The following SPOCK3 variants were observed in gnomAD, a reference collection of about 807,000 sequenced individuals.
SPOCK3 encodes the protein testican-3.
A neutral mutation model predicts 56.6 loss-of-function variants in SPOCK3; 30 were observed. That is an observed-to-expected ratio of 0.53 (90% CI 0.40 to 0.72). SPOCK3 has a LOEUF of 0.72. Ranked by LOEUF, SPOCK3 falls within the 30% of genes least tolerant of loss-of-function variation. The pLI, the probability that SPOCK3 is intolerant of heterozygous loss-of-function variation, is 0.00. For missense variants in SPOCK3, 527 were observed against 530.0 expected (o/e 0.99, Z 0.06); for synonymous variants, 196 against 183.3 (o/e 1.07, Z -0.56).
At chr4:166,752,327 T>C (rs1736482553) in intron 8 of SPOCK3, among the ~76,000 whole-genome samples, 1 of 152,040 alleles carries the variant, frequency 6.6e-6, no homozygotes, top group African/African-American at 2.4e-5. Flanking sequence ...CCAGCTGAAA[T>C]TTACAAACTC....
At chr4:167,006,810 G>A (rs1255155855) in intron 3 of SPOCK3, among the ~76,000 whole-genome samples, 1 of 151,876 alleles carries the variant, frequency 6.6e-6, no homozygotes, top group African/African-American at 2.4e-5. Context: ...TCTAGCTACG[G>A]GTATTGTTTC....
chr4:166,794,776 G>A (rs1453920243), intron 6 of SPOCK3, among the ~76,000 whole-genome samples: 1 of 151,294 alleles, frequency 6.6e-6, no homozygotes, highest in Non-Finnish European at 1.5e-5. Flanking sequence ...CTGAGTAGCT[G>A]GGATTACAAG....
At chr4:166,898,294 G>A (rs1306824674) in intron 5 of SPOCK3, among the ~76,000 whole-genome samples, 1 of 152,124 alleles carries the variant, frequency 6.6e-6, no homozygotes, top group Non-Finnish European at 1.5e-5. Flanking sequence ...CTAACCTCTG[G>A]GCAGGGGGAG....
chr4:166,935,358 G>C (rs966536868), intron 4 of SPOCK3, among the ~76,000 whole-genome samples: 4 of 152,238 alleles, frequency 2.6e-5, no homozygotes, highest in Admixed American at 1.3e-4. Context: ...TCCAACGGGC[G>C]AAATGGTAGC....
In SPOCK3 at chr4:166,860,802, C is replaced by CATATATATATATATGTATATATATATAT. The variant is rs1553989682; in HGVS notation, c.589+28300_589+28327dup. 1.4e-3 allele frequency among the ~76,000 whole-genome samples: 138 copies of CATATATATATATATGTATATATATATAT among 101,934 alleles called. 1 individual carries two copies. The highest frequency in any genetic ancestry group is 2.4e-3 in the Non-Finnish European group (120 of 49,432). The allele number at this position is 101,934 out of a possible 152,430, so 66.9% of individuals were successfully genotyped here. A position where few individuals can be genotyped will look rare whatever the true frequency, so the allele number is the denominator to read the frequency against. On this transcript the variant is annotated intron_variant, in intron 6 of 10. Transcript: ENST00000357545. ...ACACGTGTACATGCACACACAAATT[C>CATATATATATATATGTATATATATATAT]ATATATATATATATGTATATATATA...
chr4:167,077,621 T>C (rs999356475), intron 2 of SPOCK3, among the ~76,000 whole-genome samples: 4 of 151,966 alleles, frequency 2.6e-5, no homozygotes, highest in Non-Finnish European at 5.9e-5. Flanking sequence ...AGAAAAAGAA[T>C]GATTTTCTAA....
At chr4:167,224,762 C>T (rs139167437) in intron 2 of SPOCK3, among the ~76,000 whole-genome samples, 7 of 152,140 alleles carry the variant, frequency 4.6e-5, no homozygotes, top group South Asian at 2.1e-4. Flanking sequence ...CTGGTTCAAG[C>T]GATTCTCTTG....
intron 2 of SPOCK3, among the ~76,000 whole-genome samples, chr4:167,182,326 C>G (rs900484449): frequency 9.9e-5 from 15 of 151,856 alleles, no homozygotes; most frequent in Admixed American, 4.6e-4. Flanking sequence ...ATGATCCCCC[C>G]CAATCTGATT....
At chr4:167,128,183 T>A (rs1243897731) in intron 2 of SPOCK3, among the ~76,000 whole-genome samples, 1 of 152,216 alleles carries the variant, frequency 6.6e-6, no homozygotes, top group African/African-American at 2.4e-5. Flanking sequence ...TTTCCCCGAA[T>A]ACTCAAGCAC....
At chr4:167,224,812 A>G (rs552958313) in intron 2 of SPOCK3, among the ~76,000 whole-genome samples, 1 of 152,040 alleles carries the variant, frequency 6.6e-6, no homozygotes, top group Admixed American at 6.6e-5. Flanking sequence ...GATTACAGGC[A>G]CGTGCCACCA....
At chr4:166,908,275 C>T (rs1736850923) in intron 5 of SPOCK3, among the ~76,000 whole-genome samples, 1 of 48,350 alleles carries the variant, frequency 2.1e-5, no homozygotes, top group South Asian at 6.6e-4. Context: ...TTATTGTTCA[C>T]ACACACACAC....
At chr4:166,851,985 A>G (rs1175301461) in intron 6 of SPOCK3, among the ~76,000 whole-genome samples, 26 of 151,742 alleles carry the variant, frequency 1.7e-4, no homozygotes, top group African/African-American at 5.1e-4. Context: ...TGATGAGTTC[A>G]TGTCCTTTGT....
chr4:167,109,434 A>G (rs1370153318), intron 2 of SPOCK3, among the ~76,000 whole-genome samples: 1 of 101,990 alleles, frequency 9.8e-6, no homozygotes, highest in African/African-American at 3.8e-5. Context: ...TATATATGAT[A>G]AATATATATT....
intron 7 of SPOCK3, among the ~76,000 whole-genome samples, chr4:166,766,921 G>A (rs1238142097): frequency 6.6e-6 from 1 of 152,100 alleles, no homozygotes; most frequent in African/African-American, 2.4e-5. Flanking sequence ...TCTTGGGAGA[G>A]TGTATTTGTC....
intron 3 of SPOCK3, among the ~76,000 whole-genome samples, chr4:167,038,272 T>C (rs558695131): frequency 6.6e-6 from 1 of 152,250 alleles, no homozygotes; most frequent in South Asian, 2.1e-4. Flanking sequence ...CAGTTGGACA[T>C]AAGAGAATTA....
intron 7 of SPOCK3, among the ~76,000 whole-genome samples, chr4:166,778,849 G>C (rs1401915039): frequency 6.6e-6 from 1 of 151,934 alleles, no homozygotes; most frequent in Non-Finnish European, 1.5e-5. Flanking sequence ...TTTTAAGTTG[G>C]GGGTAGGCAG....
rs1005734877 is a variant in SPOCK3, at chr4:167,110,815, G to C, written c.190-48278C>G. ...AAAAATTCCTTTCAACATAAGATTAGTAACCACTAGTGAATGTTCCTAAAA... is the reference window on the plus strand; with the variant it reads ...AAAAATTCCTTTCAACATAAGATTACTAACCACTAGTGAATGTTCCTAAAA... On this transcript the variant is annotated intron_variant, in intron 2 of 10. Transcript: ENST00000357545. Among the ~76,000 whole-genome samples, 3 of 151,948 alleles carry C rather than the reference G, an allele frequency of 2.0e-5. No individual in the cohort carries two copies. The East Asian group carries it at 5.8e-4, about 29-fold the overall frequency.
intron 2 of SPOCK3, among the ~76,000 whole-genome samples, chr4:167,164,790 C>A (rs1765616196): frequency 6.6e-6 from 1 of 152,042 alleles, no homozygotes; most frequent in African/African-American, 2.4e-5. Flanking sequence ...TATGGCTACA[C>A]AGTATTCCAT....
At chr4:167,213,606 C>T (rs1735081669) in intron 2 of SPOCK3, among the ~76,000 whole-genome samples, 3 of 152,052 alleles carry the variant, frequency 2.0e-5, no homozygotes, top group Admixed American at 2.0e-4. Flanking sequence ...AACATAAACA[C>T]TATTACCAGA....
Sources: gnomAD v4.1 joint callset for allele counts (sites outside exome capture counted in the v4.1 genomes callset) on GRCh38, gnomAD v4.1.1 for gene constraint, MANE v1.5 for transcripts, NCBI Gene and HGNC (gene_info 2026-07-23, HGNC 2026-07-21) for gene names.